The following KPNA6 variants were observed in gnomAD, a reference collection of about 807,000 sequenced individuals.
KPNA6 encodes karyopherin subunit alpha 6, also known as importin subunit alpha-7.
A neutral mutation model predicts 72.0 loss-of-function variants in KPNA6; 9 were observed. The ratio of observed to expected loss-of-function variants is 0.13; its 90% CI spans 0.08 to 0.22. KPNA6 has a LOEUF of 0.22. KPNA6 is among the 10% of genes least tolerant of loss of function. The pLI, the probability that KPNA6 is intolerant of heterozygous loss-of-function variation, is 1.00. For missense variants in KPNA6, 374 were observed against 655.7 expected (o/e 0.57, Z 4.69); for synonymous variants, 219 against 242.1 (o/e 0.90, Z 0.89).
chr1:32,163,684 A>G (rs1321914985), intron 10 of KPNA6, among the ~76,000 whole-genome samples: 6 of 152,226 alleles, frequency 3.9e-5, no homozygotes, highest in Admixed American at 3.3e-4. Context: ...TTAAGGTCTC[A>G]TGGATATCAT....
chr1:32,124,286 T>C (rs913651593), intron 1 of KPNA6, among the ~76,000 whole-genome samples: 6 of 151,644 alleles, frequency 4.0e-5, no homozygotes, highest in African/African-American at 2.4e-5. Context: ...AGTGGGAGGA[T>C]AGATTGAGCC....
intron 1 of KPNA6, among the ~76,000 whole-genome samples, chr1:32,136,181 C>CTT (rs759447035): frequency 7.2e-6 from 1 of 139,310 alleles, no homozygotes; most frequent in African/African-American, 2.7e-5. Context: ...TAGCTTCTCT[C>CTT]TTTTTTTTTT....
Position 32,171,042 on chromosome 1 carries a change from C to G in KPNA6, c.*148C>G. The G allele has an allele frequency of 2.9e-6, 2 of 683,544 alleles. No homozygotes were observed. Among genetic ancestry groups the G allele is most frequent in the East Asian group, 5.4e-5 (2 of 36,698 alleles). The allele number at this position is 683,544 out of a possible 1,614,324, so 42.3% of individuals were successfully genotyped here. A position where few individuals can be genotyped will look rare whatever the true frequency, so the allele number is the denominator to read the frequency against. On this transcript the variant is annotated 3_prime_UTR_variant, in exon 14 of 14. Coordinates refer to ENST00000373625, the MANE Select transcript of KPNA6 (RefSeq NM_012316.5). ...ACTGTGCTCTTGACCTGCTCCGCCC[C>G]CTTCCCTGGAGGGAGCACCCTCTGG...
chr1:32,169,788 T>C (rs2124098982), intron 12 of KPNA6, 94 bp from the exon 13 acceptor site: 3 of 1,117,216 alleles, frequency 2.7e-6, no homozygotes, highest in Non-Finnish European at 3.8e-6. Flanking sequence ...AAAAAATAAA[T>C]TAGTAAGAGT....
chr1:32,163,426 A>G (rs1001343803), intron 10 of KPNA6, 113 bp downstream of exon 10: 11 of 737,600 alleles, frequency 1.5e-5, no homozygotes, highest in East Asian at 2.7e-5. Flanking sequence ...GGGAGGCACT[A>G]TGGTCTAAGG....
At chr1:32,127,717 T>C (rs1641559128) in intron 1 of KPNA6, among the ~76,000 whole-genome samples, 3 of 152,160 alleles carry the variant, frequency 2.0e-5, no homozygotes, top group Admixed American at 2.0e-4. Flanking sequence ...TTATGCCTCT[T>C]TAACTGAACT....
At position 32,175,006 on chromosome 1, in the gene KPNA6, C is replaced by G. The variant is rs867897880; in HGVS notation, c.*4112C>G. The G allele has an allele frequency of 6.6e-6, 1 of 152,206 alleles. No individual in the cohort carries two copies. Among genetic ancestry groups the G allele is most frequent in the Admixed American group, 6.5e-5 (1 of 15,282 alleles). The allele number at this position is 152,206 out of a possible 1,614,324, so 9.4% of individuals were successfully genotyped here. On this transcript the variant is annotated 3_prime_UTR_variant, in exon 14 of 14. Transcript: ENST00000373625. ...TTGAGAATTTGGCCCTGCTGGGATC[C>G]ATGTAGTGGGCACTAGCTGCTCTTT...
intron 1 of KPNA6, among the ~76,000 whole-genome samples, chr1:32,110,375 T>A (rs1273444915): frequency 6.6e-6 from 1 of 152,062 alleles, no homozygotes; most frequent in Non-Finnish European, 1.5e-5. Context: ...TGGAATTGGA[T>A]TTTTAAAGAT....
At chr1:32,169,703 G>A (rs1007471639) in intron 12 of KPNA6, among the ~76,000 whole-genome samples, 179 bp from the exon 13 acceptor site, 8 of 149,468 alleles carry the variant, frequency 5.4e-5, no homozygotes, top group Non-Finnish European at 7.4e-5. Context: ...ATTGTGATCC[G>A]CCCACCTCAG....
chr1:32,156,813 G>C, intron 2 of KPNA6, 40 bp from the exon 3 acceptor site: 1 of 1,443,458 alleles, frequency 6.9e-7, no homozygotes, highest in Non-Finnish European at 9.7e-7. Context: ...GTTTTCTTTG[G>C]TTCAGAGAGT....
chr1:32,154,180 C>G (rs1298897501), intron 1 of KPNA6, among the ~76,000 whole-genome samples: 1 of 151,904 alleles, frequency 6.6e-6, no homozygotes, highest in Admixed American at 6.6e-5. Context: ...AAAGTATGGT[C>G]TGCAGACCCC....
chr1:32,115,259 C>A (rs1641310042), intron 1 of KPNA6, among the ~76,000 whole-genome samples: 1 of 152,004 alleles, frequency 6.6e-6, no homozygotes, highest in African/African-American at 2.4e-5. Context: ...CCTCAGCCTC[C>A]CGAGTAGCTG....
intron 1 of KPNA6, among the ~76,000 whole-genome samples, chr1:32,112,114 C>G (rs767506972): frequency 2.0e-5 from 3 of 152,164 alleles, no homozygotes; most frequent in Non-Finnish European, 4.4e-5. Context: ...GAAGGGAAGC[C>G]TGGGGAACTT....
At chr1:32,156,241 T>C (rs923712356) in intron 2 of KPNA6, among the ~76,000 whole-genome samples, 7 of 152,164 alleles carry the variant, frequency 4.6e-5, no homozygotes, top group African/African-American at 1.7e-4. Flanking sequence ...AGTCTCCTCT[T>C]CTCTTTGTGG....
chr1:32,162,830 G>A (rs1289492089), intron 9 of KPNA6, among the ~76,000 whole-genome samples: 2 of 150,526 alleles, frequency 1.3e-5, no homozygotes, highest in South Asian at 2.1e-4. Context: ...GCAAGACTCC[G>A]TCTCAAAGGA....
chr1:32,132,882 G>A (rs970164304), intron 1 of KPNA6, among the ~76,000 whole-genome samples: 3 of 151,664 alleles, frequency 2.0e-5, no homozygotes, highest in African/African-American at 4.8e-5. Flanking sequence ...CAGCCTGGGC[G>A]ACAGAGCGAG....
In KPNA6 at chr1:32,161,903, C is replaced by T. The variant is rs780957898; in HGVS notation, c.648-44C>T. ...TGGGTTCATTGGCAACAGTCCTATG[C>T]CAAGGCCTCAGTGCTCAGGATCTGG... On this transcript the variant is annotated intron_variant, in intron 7 of 13. Transcript: ENST00000373625. 4 of 1,466,618 alleles carry T rather than the reference C, an allele frequency of 2.7e-6. No individual in the cohort carries two copies. The Admixed American group carries it at 6.9e-5, about 25-fold the overall frequency. The allele number at this position is 1,466,618 out of a possible 1,614,324, so 90.9% of individuals were successfully genotyped here.
At chr1:32,155,754 TCTCA>T (rs1642129923) in intron 2 of KPNA6, among the ~76,000 whole-genome samples, 1 of 150,962 alleles carries the variant, frequency 6.6e-6, no homozygotes, top group Admixed American at 6.6e-5. Context: ...TGAGACAAGG[TCTCA>T]CTCTGTCACC....
chr1:32,163,129 A>G (rs1642270845), intron 9 of KPNA6, 106 bp from the exon 10 acceptor site: 1 of 705,508 alleles, frequency 1.4e-6, no homozygotes, highest in Non-Finnish European at 2.5e-6. Context: ...AAGAAAAAAA[A>G]AGGGTACAGG....
Sources: allele counts gnomAD v4.1 joint callset (sites outside exome capture counted in the v4.1 genomes callset), GRCh38; gene constraint gnomAD v4.1.1; transcripts MANE v1.5; gene names NCBI Gene and HGNC (gene_info 2026-07-23, HGNC 2026-07-21).